The following NHERF1 variants were observed in gnomAD, a reference collection of about 807,000 sequenced individuals.
The protein encoded by NHERF1 is Na(+)/H(+) exchange regulatory cofactor NHE-RF1.
the NHERF1 span, chr17:74,767,873 C>A: frequency 1.1e-5 from 6 of 539,624 alleles, no homozygotes; most frequent in Non-Finnish European, 2.1e-5. Flanking sequence ...TTGGAGTGGC[C>A]CAGGGAGAGG....
the NHERF1 span, chr17:74,768,294 C>T: frequency 7.0e-7 from 1 of 1,426,954 alleles, no homozygotes; most frequent in Non-Finnish European, 9.9e-7. Flanking sequence ...TCCCAGGCCC[C>T]ACTTGTTCCT....
chr17:74,751,257 C>T, the NHERF1 span, among the ~76,000 whole-genome samples: 1 of 152,356 alleles, frequency 6.6e-6, no homozygotes, highest in Admixed American at 6.5e-5. This position sits in a 1 kb window ranked among gnomAD's most constrained non-coding sequence, Gnocchi z 4.3. Flanking sequence ...ATCCTCTCCT[C>T]TCAATCCTGT....
the NHERF1 span, chr17:74,749,426 C>T: frequency 1.2e-6 from 1 of 820,674 alleles, no homozygotes; most frequent in Middle Eastern, 3.7e-4. The surrounding 1 kb of genome is among the most constrained non-coding windows in gnomAD (Gnocchi z 5.6). Context: ...CGCTTCCGCC[C>T]GCCGACCAGG....
At chr17:74,763,724 G>A in the NHERF1 span, among the ~76,000 whole-genome samples, 6 of 152,210 alleles carry the variant, frequency 3.9e-5, no homozygotes, top group Non-Finnish European at 8.8e-5. Flanking sequence ...GGGTTTCTGA[G>A]GACGGCTTGT....
chr17:74,762,250 C>G, the NHERF1 span: 1 of 1,532,504 alleles, frequency 6.5e-7, no homozygotes, highest in Non-Finnish European at 9.0e-7. This position sits in a 1 kb window ranked among gnomAD's most constrained non-coding sequence, Gnocchi z 4.2. Flanking sequence ...AGCCATCATA[C>G]CATCATGGGC....
At chr17:74,768,015 AG>A in the NHERF1 span, 1 of 781,618 alleles carries the variant, frequency 1.3e-6, no homozygotes. Context: ...GGTGGGAACC[AG>A]GGGTGGGTGG....
the NHERF1 span, among the ~76,000 whole-genome samples, chr17:74,750,159 C>A: frequency 6.6e-6 from 1 of 152,218 alleles, no homozygotes; most frequent in Non-Finnish European, 1.5e-5. Flanking sequence ...TTGCCATGGT[C>A]ACTCTGGTGC....
the NHERF1 span, among the ~76,000 whole-genome samples, chr17:74,761,289 G>A: frequency 1.3e-5 from 2 of 152,202 alleles, no homozygotes; most frequent in African/African-American, 4.8e-5. This position sits in a 1 kb window ranked among gnomAD's most constrained non-coding sequence, Gnocchi z 4.3. Flanking sequence ...CTGTGCTTCC[G>A]TTGCCACCTC....
the NHERF1 span, among the ~76,000 whole-genome samples, chr17:74,761,681 A>G: frequency 6.6e-6 from 1 of 152,186 alleles, no homozygotes; most frequent in Non-Finnish European, 1.5e-5. This position sits in a 1 kb window ranked among gnomAD's most constrained non-coding sequence, Gnocchi z 4.3. Flanking sequence ...GGCCCGATCA[A>G]CACAGCATGT....
At chr17:74,762,758 A>G in the NHERF1 span, among the ~76,000 whole-genome samples, 1 of 152,140 alleles carries the variant, frequency 6.6e-6, no homozygotes, top group Admixed American at 6.5e-5. This position sits in a 1 kb window ranked among gnomAD's most constrained non-coding sequence, Gnocchi z 4.2. Context: ...GGATTTCACC[A>G]TGTTGGCCAG....
At chr17:74,766,856 C>A in the NHERF1 span, 84 of 1,388,190 alleles carry the variant, frequency 6.1e-5, no homozygotes, top group Non-Finnish European at 8.2e-5. Context: ...TAATAATCTG[C>A]CCAAACCCAA....
the NHERF1 span, among the ~76,000 whole-genome samples, chr17:74,764,500 C>T: frequency 2.0e-5 from 3 of 152,304 alleles, no homozygotes; most frequent in East Asian, 1.9e-4. The surrounding 1 kb of genome is among the most constrained non-coding windows in gnomAD (Gnocchi z 4.9). Context: ...CAGATAATCC[C>T]CTTCTCCACT....
At chr17:74,754,437 C>T in the NHERF1 span, among the ~76,000 whole-genome samples, 1 of 116,324 alleles carries the variant, frequency 8.6e-6, no homozygotes, top group Non-Finnish European at 1.6e-5. Flanking sequence ...CAGTCTTGCT[C>T]TGTTGCCCAG....
the NHERF1 span, among the ~76,000 whole-genome samples, chr17:74,757,465 C>A: frequency 6.6e-6 from 1 of 152,086 alleles, no homozygotes; most frequent in African/African-American, 2.4e-5. Flanking sequence ...ACGCAGGGGG[C>A]CAGTGACAGC....
chr17:74,766,845 C>G, the NHERF1 span: 1 of 1,204,338 alleles, frequency 8.3e-7, no homozygotes, highest in African/African-American at 1.5e-5. Context: ...GGAACAAGAT[C>G]TAATAATCTG....
the NHERF1 span, among the ~76,000 whole-genome samples, chr17:74,760,375 C>T: frequency 2.6e-5 from 4 of 152,168 alleles, no homozygotes; most frequent in East Asian, 5.8e-4. This position sits in a 1 kb window ranked among gnomAD's most constrained non-coding sequence, Gnocchi z 4.5. Context: ...CTCACTTAAC[C>T]GTCTTTGTTG....
At chr17:74,768,571 AAG>A in the NHERF1 span, 2 of 1,614,118 alleles carry the variant, frequency 1.2e-6, no homozygotes, top group Non-Finnish European at 1.7e-6. Context: ...GCCATGGCCA[AAG>A]AGAGGGCCCA....
At chr17:74,752,782 G>A in the NHERF1 span, among the ~76,000 whole-genome samples, 1 of 152,128 alleles carries the variant, frequency 6.6e-6, no homozygotes, top group Non-Finnish European at 1.5e-5. Context: ...ATCTTTTATC[G>A]CTCTAAACAC....
the NHERF1 span, among the ~76,000 whole-genome samples, chr17:74,758,371 C>A: frequency 6.6e-6 from 1 of 152,272 alleles, no homozygotes; most frequent in African/African-American, 2.4e-5. The surrounding 1 kb of genome is among the most constrained non-coding windows in gnomAD (Gnocchi z 4.3). Context: ...GGCAGCTCTC[C>A]GGGCAGGGTC....
Sources: allele counts gnomAD v4.1 joint callset (sites outside exome capture counted in the v4.1 genomes callset), GRCh38; gene constraint gnomAD v4.1.1; non-coding constraint Gnocchi (gnomAD v3.1); transcripts MANE v1.5; gene names NCBI Gene and HGNC (gene_info 2026-07-23, HGNC 2026-07-21).